The following VCL variants were observed in gnomAD, a reference collection of about 807,000 sequenced individuals.
VCL encodes the protein vinculin.
Under a neutral mutation model 125.7 loss-of-function variants are expected in VCL, and 47 were observed. The ratio of observed to expected loss-of-function variants is 0.37; its 90% CI spans 0.30 to 0.48. The LOEUF (loss-of-function observed/expected upper bound fraction) is 0.48. Ranked by LOEUF, VCL falls within the 20% of genes least tolerant of loss-of-function variation. The pLI is 0.99. For synonymous variants in VCL, 458 were observed against 514.6 expected (o/e 0.89, Z 1.49); for missense variants, 1,069 against 1,455.5 (o/e 0.73, Z 4.32).
intron 1 of VCL, among the ~76,000 whole-genome samples, chr10:74,009,702 C>T (rs372484519): frequency 8.6e-5 from 13 of 151,802 alleles, no homozygotes; most frequent in South Asian, 8.3e-4. Flanking sequence ...CTCCACCTCA[C>T]GGGTTCAAGC....
intron 1 of VCL, among the ~76,000 whole-genome samples, chr10:74,011,094 C>T (rs560248033): frequency 1.5e-3 from 232 of 150,174 alleles, no homozygotes; most frequent in African/African-American, 5.4e-3. Flanking sequence ...TCGTTTGAAC[C>T]CAGGAGGCAG....
chr10:74,085,784 A>C (rs942351703), intron 8 of VCL, among the ~76,000 whole-genome samples: 2 of 152,202 alleles, frequency 1.3e-5, no homozygotes, highest in African/African-American at 4.8e-5. Flanking sequence ...ACTCCTCTAC[A>C]TGCAGTGCAC....
downstream of VCL, chr10:74,120,589 C>T (rs1233404019): frequency 1.3e-5 from 2 of 152,512 alleles, no homozygotes; most frequent in Non-Finnish European, 2.9e-5. Flanking sequence ...GCAATCTCAG[C>T]TCACTGCAAC....
At chr10:74,096,174 T>A (rs1839966234) in intron 12 of VCL, among the ~76,000 whole-genome samples, 2 of 150,868 alleles carry the variant, frequency 1.3e-5, no homozygotes, top group Non-Finnish European at 2.9e-5. Flanking sequence ...TTAAATGGAC[T>A]TCTTTTTAAA....
At position 74,097,532 on chromosome 10, in the gene VCL, A is replaced by G. The variant is rs1351643190; in HGVS notation, c.1872+200A>G. ...TGAGGAATATCTTTAGTTGCAAGCA[A>G]TAGAAGACCTGACCATCAGAGATGA... On this transcript the variant is annotated intron_variant, in intron 13 of 21. Coordinates refer to ENST00000211998, the MANE Select transcript of VCL (RefSeq NM_014000.3). This position sits in a 1 kb window ranked among gnomAD's most constrained non-coding sequence, Gnocchi z 4.1. Among the ~76,000 whole-genome samples the G allele has an allele frequency of 6.6e-6, 1 of 152,346 alleles. No individual in the cohort carries two copies. The highest frequency in any genetic ancestry group is 1.5e-5 in the Non-Finnish European group (1 of 68,028).
rs145326590 is a variant in VCL, at chr10:74,064,459, G to T, written c.240-6211G>T. 2.1e-3 allele frequency among the ~76,000 whole-genome samples: 315 copies of T among 152,050 alleles called. 2 individuals are homozygous for T. Among genetic ancestry groups the T allele is most frequent in the African/African-American group, 7.3e-3 (301 of 41,458 alleles). ...CCAGCTCTGTCACCCACACTGGAGTGCAGTGGCATGATCATAGCTCACTAC... is the reference window on the plus strand; with the variant it reads ...CCAGCTCTGTCACCCACACTGGAGTTCAGTGGCATGATCATAGCTCACTAC... On this transcript the variant is annotated intron_variant, in intron 2 of 21. Coordinates refer to ENST00000211998, the MANE Select transcript of VCL (RefSeq NM_014000.3).
chr10:74,084,590 T>G (rs1839737194), intron 8 of VCL, among the ~76,000 whole-genome samples: 1 of 151,130 alleles, frequency 6.6e-6, no homozygotes, highest in African/African-American at 2.4e-5. Flanking sequence ...ACCTGCCAAA[T>G]TTTTTCTTTT....
intron 8 of VCL, among the ~76,000 whole-genome samples, chr10:74,088,519 G>A (rs1197034034): frequency 6.6e-6 from 1 of 152,148 alleles, no homozygotes; most frequent in Non-Finnish European, 1.5e-5. Context: ...CAGTAATAAT[G>A]ATAGATTTTT....
chr10:74,082,278 A>ATGC (rs2136280101), intron 6 of VCL, among the ~76,000 whole-genome samples, 176 bp from the exon 7 acceptor site: 1 of 152,370 alleles, frequency 6.6e-6, no homozygotes, highest in East Asian at 1.9e-4. Flanking sequence ...TGCATGCAAG[A>ATGC]TGCTGCATTT....
At chr10:74,070,561 A>G in intron 2 of VCL, 109 bp from the exon 3 acceptor site, 1 of 1,516,460 alleles carries the variant, frequency 6.6e-7, no homozygotes, top group South Asian at 1.1e-5. Flanking sequence ...GCTATTTTTC[A>G]TGTAGGGAAA....
rs1177228115 is a variant in VCL at position 74,070,536 on chromosome 10, T to TATC, written c.240-132_240-130dup. The TATC allele has an allele frequency of 2.6e-5, 33 of 1,265,688 alleles. No individual in the cohort carries two copies. In the Middle Eastern group the frequency reaches 7.5e-4, roughly 29 times the overall value. The allele number at this position is 1,265,688 out of a possible 1,614,324, so 78.4% of individuals were successfully genotyped here. A position where few individuals can be genotyped will look rare whatever the true frequency, so the allele number is the denominator to read the frequency against. On this transcript the variant is annotated intron_variant, in intron 2 of 21. Coordinates refer to ENST00000211998, the MANE Select transcript of VCL (RefSeq NM_014000.3). ...TAAAATCTAAAAACGTAGGTTCTAT[T>TATC]ATCAATTGGTCTTGGCTATTTTTCA...
chr10:74,087,562 G>A (rs1245527241), intron 8 of VCL, among the ~76,000 whole-genome samples: 4 of 140,606 alleles, frequency 2.8e-5, no homozygotes, highest in East Asian at 2.1e-4. Context: ...GGGTTTCAGC[G>A]TGTTAGCCAG....
At chr10:74,044,657 G>C (rs926571777) in intron 2 of VCL, among the ~76,000 whole-genome samples, 8 of 152,322 alleles carry the variant, frequency 5.3e-5, no homozygotes, top group Admixed American at 2.0e-4. Flanking sequence ...CAGTTCCACT[G>C]TCGGGTATGT....
At chr10:74,101,710 C>T (rs929841046) in intron 14 of VCL, among the ~76,000 whole-genome samples, 6 of 151,512 alleles carry the variant, frequency 4.0e-5, no homozygotes, top group African/African-American at 1.2e-4. Context: ...CGCCCGCCAC[C>T]GCGCCCGGCT....
intron 1 of VCL, among the ~76,000 whole-genome samples, chr10:74,035,104 C>T (rs772302428): frequency 3.9e-5 from 6 of 152,142 alleles, no homozygotes; most frequent in East Asian, 3.8e-4. Flanking sequence ...TCTTTAGTTA[C>T]GACTTACATT....
intron 6 of VCL, chr10:74,075,425 G>T (rs1018938586): frequency 6.4e-6 from 1 of 155,404 alleles, no homozygotes; most frequent in African/African-American, 2.4e-5. Flanking sequence ...CTTCACATTG[G>T]TCAGTTAGTT....
chr10:74,114,798 T>A lies in VCL; in HGVS notation c.3157T>A (p.Cys1053Ser). The A allele has an allele frequency of 6.2e-7, 1 of 1,604,952 alleles. No individual in the cohort carries two copies. Among genetic ancestry groups the A allele is most frequent in the Non-Finnish European group, 8.5e-7 (1 of 1,176,734 alleles). Reference protein sequence around the residue: ...KRIRTNLLQVCERIPTISTQL... With the variant: ...KRIRTNLLQVSERIPTISTQL... ...CCAAATTAAACTTTCTCTTTAGGTATGTGAGCGAATCCCAACCATAAGCAC... is the reference window on the plus strand; with the variant it reads ...CCAAATTAAACTTTCTCTTTAGGTAAGTGAGCGAATCCCAACCATAAGCAC... The change falls in exon 21 of 22, where the codon TGT (cysteine) becomes AGT (serine). Residue 1053 changes from cysteine to serine, a missense_variant. Cys to Ser is a moderately radical substitution (Grantham distance 112). Around this residue, in one of 6 missense-constraint regions of VCL, gnomAD observed 91 missense variants for 203.9 expected, o/e 0.45. Coordinates refer to ENST00000211998, the MANE Select transcript of VCL (RefSeq NM_014000.3).
intron 9 of VCL, among the ~76,000 whole-genome samples, chr10:74,089,679 T>C (rs1403386104): frequency 6.6e-6 from 1 of 152,214 alleles, no homozygotes; most frequent in Non-Finnish European, 1.5e-5. Context: ...TTGTAATGTT[T>C]AGGGGTTAAA....
chr10:74,039,269 C>G (rs1841047274), intron 1 of VCL, among the ~76,000 whole-genome samples: 1 of 151,502 alleles, frequency 6.6e-6, no homozygotes. Context: ...CCACCCCACC[C>G]AGTCCAAGAG....
Sources: allele counts gnomAD v4.1 joint callset (sites outside exome capture counted in the v4.1 genomes callset), GRCh38; gene constraint gnomAD v4.1.1; regional missense constraint gnomAD v4.1.1; non-coding constraint Gnocchi (gnomAD v3.1); transcripts MANE v1.5; gene names NCBI Gene and HGNC (gene_info 2026-07-23, HGNC 2026-07-21).